Variants in APC observed in about 807,000 individuals in gnomAD.
APC encodes APC regulator of Wnt signaling pathway.
In APC, 72 loss-of-function variants were observed where a neutral mutation model predicts 247.0. That is an observed-to-expected ratio of 0.29 (90% CI 0.24 to 0.35). The LOEUF (loss-of-function observed/expected upper bound fraction) is 0.35. Ranked by LOEUF, APC falls within the 10% of genes least tolerant of loss-of-function variation. The pLI, the probability that APC is intolerant of heterozygous loss-of-function variation, is 1.00. For missense variants in APC, 3,400 were observed against 3,360.7 expected, an observed-to-expected ratio of 1.01 and a Z score of -0.29; for synonymous variants, 1,254 against 1,162.5, an observed-to-expected ratio of 1.08 and a Z score of -1.60.
At chr5:112,780,282 T>C (rs1758180207) in intron 5 of APC, among the ~76,000 whole-genome samples, 1 of 152,192 alleles carries the variant, frequency 6.6e-6, no homozygotes, top group South Asian at 2.1e-4. Flanking sequence ...GTAGGCTTTT[T>C]CTTGTCCCAT....
chr5:112,823,957 AC>A (rs1391244104), intron 11 of APC, among the ~76,000 whole-genome samples: 2 of 152,192 alleles, frequency 1.3e-5, no homozygotes, highest in African/African-American at 4.8e-5. Context: ...TTTGTGAAAC[AC>A]CAGTAGAATA....
intron 8 of APC, among the ~76,000 whole-genome samples, chr5:112,808,860 G>C (rs1042246525): frequency 1.3e-5 from 2 of 152,192 alleles, no homozygotes; most frequent in Non-Finnish European, 2.9e-5. Context: ...AATCAGTCAA[G>C]CTTAGGGATT....
chr5:112,790,724 A>G (rs1023531120), intron 6 of APC, among the ~76,000 whole-genome samples: 2 of 152,232 alleles, frequency 1.3e-5, no homozygotes, highest in African/African-American at 2.4e-5. Context: ...GCATGAAGGC[A>G]TTGTATTTAA....
intron 10 of APC, among the ~76,000 whole-genome samples, chr5:112,821,359 T>A (rs997151389): frequency 1.3e-5 from 2 of 151,882 alleles, no homozygotes; most frequent in African/African-American, 4.8e-5. Context: ...TTTTAAAAAT[T>A]AGCTAGGGAT....
chr5:112,717,216 T>C (rs2149649444), intron 1 of APC, among the ~76,000 whole-genome samples: 1 of 152,294 alleles, frequency 6.6e-6, no homozygotes, highest in Non-Finnish European at 1.5e-5. Flanking sequence ...TTTCACCATG[T>C]TTGCTAGGCT....
At chr5:112,832,641 C>T (rs570588623) in intron 14 of APC, among the ~76,000 whole-genome samples, 2 of 152,306 alleles carry the variant, frequency 1.3e-5, no homozygotes, top group African/African-American at 4.8e-5. Flanking sequence ...CATCAGTACT[C>T]CCGCGCTGAT....
At chr5:112,836,323 G>A (rs1764943868) in intron 15 of APC, among the ~76,000 whole-genome samples, 1 of 152,014 alleles carries the variant, frequency 6.6e-6, no homozygotes, top group South Asian at 2.1e-4. Flanking sequence ...GGGCTACTGC[G>A]CCTAGCCAAA....
Position 112,800,520 on chromosome 5 carries a change from C to T in APC, c.730-759C>T, listed in dbSNP as rs186560896. Among the ~76,000 whole-genome samples, 668 of 152,182 alleles carry T rather than the reference C, an allele frequency of 4.4e-3. 3 individuals carry two copies. Among genetic ancestry groups the T allele is most frequent in the Middle Eastern group, 0.01 (3 of 294 alleles). On this transcript the variant is annotated intron_variant, in intron 7 of 15. Coordinates refer to ENST00000257430, the MANE Select transcript of APC (RefSeq NM_000038.6). ...AATCATTTTGTAATTTAATTATCCA[C>T]TGTTAGGTCAGATTTTTAATGTATA...
At position 112,742,515 on chromosome 5, in the gene APC, C is replaced by T. The variant is rs544849695; in HGVS notation, c.-19+4590C>T. Among the ~76,000 whole-genome samples, 245 of 152,306 alleles carry T rather than the reference C, an allele frequency of 1.6e-3. 3 individuals carry two copies. The highest frequency in any genetic ancestry group is 5.8e-3 in the African/African-American group (240 of 41,570). On this transcript the variant is annotated intron_variant, in intron 1 of 15. Transcript: ENST00000257430. ...TCACGATGTCAGTCACAGATACAGT[C>T]ATCTGAAGGGCTTGACTAGACTGAC...
upstream of APC, among the ~76,000 whole-genome samples, chr5:112,734,541 A>T (rs1752267415): frequency 6.6e-6 from 1 of 152,214 alleles, no homozygotes; most frequent in Non-Finnish European, 1.5e-5. Flanking sequence ...AGAAAAAAAA[A>T]GCTTGTTGAT....
At chr5:112,709,208 A>G (rs978067971) in intron 1 of APC, among the ~76,000 whole-genome samples, 1 of 152,216 alleles carries the variant, frequency 6.6e-6, no homozygotes, top group Non-Finnish European at 1.5e-5. Flanking sequence ...TTAGAATTGT[A>G]TGTTAAAAAT....
intron 14 of APC, among the ~76,000 whole-genome samples, chr5:112,832,819 T>C (rs1764435978): frequency 6.6e-6 from 1 of 152,210 alleles, no homozygotes; most frequent in Admixed American, 6.5e-5. Flanking sequence ...TGGAGCACTT[T>C]GTTTCATGTA....
At chr5:112,761,078 A>G (rs202223709) in intron 2 of APC, among the ~76,000 whole-genome samples, 1 of 152,036 alleles carries the variant, frequency 6.6e-6, no homozygotes, top group South Asian at 2.1e-4. Context: ...CAAAGTGCTG[A>G]GATTACAGGT....
rs72787355 is a variant in APC at position 112,765,322 on chromosome 5, C to G, written c.136-1004C>G. 3.3e-5 allele frequency among the ~76,000 whole-genome samples: 5 copies of G among 152,154 alleles called. No individual in the cohort carries two copies. The East Asian group carries it at 7.7e-4, about 23-fold the overall frequency. On this transcript the variant is annotated intron_variant, in intron 2 of 15. Coordinates refer to ENST00000257430, the MANE Select transcript of APC (RefSeq NM_000038.6). ...AGGGACAGAGTCTCGCTATGTTGTT[C>G]AGGCTGGTCTCAAACTCCTGGACTC...
chr5:112,825,421 G>A (rs541207803), intron 11 of APC, among the ~76,000 whole-genome samples: 2 of 152,222 alleles, frequency 1.3e-5, no homozygotes, highest in South Asian at 2.1e-4. Flanking sequence ...TATGTGATCC[G>A]GCATCTACCC....
intron 1 of APC, among the ~76,000 whole-genome samples, chr5:112,713,156 G>A (rs189255504): frequency 6.4e-4 from 91 of 142,750 alleles, no homozygotes; most frequent in East Asian, 1.7e-3. Context: ...GGGTGACAGA[G>A]CGAGACTCCA....
chr5:112,716,777 G>A lies in APC; in HGVS notation c.165+8895G>A, dbSNP rs561889006. Among the ~76,000 whole-genome samples, 31 of 152,278 alleles carry A rather than the reference G, an allele frequency of 2.0e-4. No homozygotes were observed. The South Asian group carries it at 6.0e-3, about 30-fold the overall frequency. On this transcript the variant is annotated intron_variant, in intron 1 of 13. Coordinates refer to the APC transcript ENST00000507379. ...CTTCTCAGTGACTCAACATTATCAA[G>A]TTTCCTCTTTTATTCTGGTAGTACT...
intron 7 of APC, among the ~76,000 whole-genome samples, chr5:112,798,066 C>G (rs999531876): frequency 3.3e-5 from 5 of 152,136 alleles, no homozygotes; most frequent in African/African-American, 1.2e-4. Flanking sequence ...AATCTTACTC[C>G]TAGGTATCTG....
intron 2 of APC, 116 bp downstream of exon 2, chr5:112,755,141 G>A (rs1213212410): frequency 6.3e-6 from 9 of 1,423,278 alleles, no homozygotes; most frequent in Middle Eastern, 4.5e-4. Flanking sequence ...GCAATAATAT[G>A]TAAACTCTTT....
Sources: allele counts gnomAD v4.1 joint callset (sites outside exome capture counted in the v4.1 genomes callset), GRCh38; gene constraint gnomAD v4.1.1; transcripts MANE v1.5; gene names NCBI Gene and HGNC (gene_info 2026-07-23, HGNC 2026-07-21).